Variants in MYO9A observed in about 807,000 individuals in gnomAD.
MYO9A encodes the protein unconventional myosin-IXa.
MYO9A carries 103 observed loss-of-function variants against 293.3 expected under a neutral mutation model. The ratio of observed to expected loss-of-function variants is 0.35; its 90% CI spans 0.30 to 0.41. The LOEUF (loss-of-function observed/expected upper bound fraction) is 0.41, where lower values mean the gene tolerates loss of function less well. Among genes scored for constraint, MYO9A ranks in the 10% least tolerant of loss-of-function variants. MYO9A has a pLI of 1.00. For missense variants in MYO9A, 2,685 were observed against 3,033.0 expected (o/e 0.89, Z 2.69); for synonymous variants, 1,001 against 1,035.7 (o/e 0.97, Z 0.64).
intron 11 of MYO9A, among the ~76,000 whole-genome samples, chr15:71,983,267 T>C (rs1218941338): frequency 6.6e-6 from 1 of 151,870 alleles, no homozygotes; most frequent in African/African-American, 2.4e-5. Flanking sequence ...TTTTCAAGTT[T>C]TATATTATTT....
intron 15 of MYO9A, among the ~76,000 whole-genome samples, chr15:71,946,347 G>C (rs1271005783): frequency 1.3e-5 from 2 of 152,132 alleles, no homozygotes; most frequent in African/African-American, 4.8e-5. Context: ...TTTTAGTTAA[G>C]AATTCAATAT....
chr15:71,952,029 G>C, intron 14 of MYO9A, 133 bp from the exon 15 acceptor site: 1 of 901,568 alleles, frequency 1.1e-6, no homozygotes, highest in South Asian at 3.2e-5. Context: ...TCAAATAATA[G>C]AGGTTATATG....
chr15:72,104,497 C>A (rs1033314825), intron 1 of MYO9A, among the ~76,000 whole-genome samples: 2 of 152,066 alleles, frequency 1.3e-5, no homozygotes, highest in Admixed American at 6.6e-5. Flanking sequence ...TTAAAAGCTA[C>A]CATAATTACA....
At chr15:71,852,515 C>T (rs984478850) in intron 35 of MYO9A, among the ~76,000 whole-genome samples, 5 of 151,950 alleles carry the variant, frequency 3.3e-5, no homozygotes, top group African/African-American at 1.2e-4. Flanking sequence ...GGGCATGCGC[C>T]GCCACGCTTA....
At chr15:71,847,059 G>A (rs2055419092) in intron 39 of MYO9A, among the ~76,000 whole-genome samples, 1 of 152,176 alleles carries the variant, frequency 6.6e-6, no homozygotes, top group Non-Finnish European at 1.5e-5. Context: ...GGAGATTGCT[G>A]GGAACACAGC....
At chr15:71,874,646 T>C (rs2056625292) in intron 32 of MYO9A, among the ~76,000 whole-genome samples, 1 of 152,214 alleles carries the variant, frequency 6.6e-6, no homozygotes, top group Admixed American at 6.5e-5. Context: ...TATAAGAAGG[T>C]AGACCAGTAT....
intron 1 of MYO9A, 124 bp downstream of exon 1, chr15:72,117,556 C>A: frequency 2.7e-6 from 1 of 368,268 alleles, no homozygotes; most frequent in Non-Finnish European, 4.8e-6. Flanking sequence ...AGGCTCGGCG[C>A]AGACCCGCTC....
At chr15:71,889,367 CA>C (rs2057111488) in intron 26 of MYO9A, 1 of 149,062 alleles carries the variant, frequency 6.7e-6, no homozygotes, top group African/African-American at 2.5e-5. Context: ...GGGCACTGGG[CA>C]AAGTATAGAG....
At chr15:71,840,303 T>C (rs1477172511) in intron 39 of MYO9A, among the ~76,000 whole-genome samples, 1 of 152,212 alleles carries the variant, frequency 6.6e-6, no homozygotes, top group East Asian at 1.9e-4. Context: ...TCCTTGCACC[T>C]GAGTTGTGAC....
rs1412915550 is a variant in MYO9A, at chr15:71,903,917, T to C, written c.2877+12A>G. 1.2e-6 allele frequency: 2 copies of C among 1,608,368 alleles called. No homozygotes were observed. Among genetic ancestry groups the C allele is most frequent in the African/African-American group, 1.3e-5 (1 of 74,950 alleles). On this transcript the variant is annotated intron_variant, in intron 21 of 41. Coordinates refer to ENST00000356056, the MANE Select transcript of MYO9A (RefSeq NM_006901.4). ...GTGTCTAAATATGTAAATATCACTA[T>C]AAAAACAGAACCTGGAAAGAATATT...
At chr15:71,831,517 G>A (rs1354582866) in intron 39 of MYO9A, among the ~76,000 whole-genome samples, 1 of 152,156 alleles carries the variant, frequency 6.6e-6, no homozygotes, top group African/African-American at 2.4e-5. Flanking sequence ...GATCCCCAAG[G>A]TTTGTTTCTT....
At chr15:72,020,050 C>T (rs901786745) in intron 5 of MYO9A, among the ~76,000 whole-genome samples, 1 of 152,162 alleles carries the variant, frequency 6.6e-6, no homozygotes, top group African/African-American at 2.4e-5. Flanking sequence ...CTGCACTCAG[C>T]CAAAGATGTA....
At chr15:72,038,970 T>C (rs2078145489) in intron 2 of MYO9A, among the ~76,000 whole-genome samples, 2 of 152,034 alleles carry the variant, frequency 1.3e-5, no homozygotes, top group South Asian at 4.1e-4. Context: ...ACCTATAAGA[T>C]AGATATAAGT....
chr15:71,940,195 G>A (rs573966844), intron 15 of MYO9A, among the ~76,000 whole-genome samples: 1 of 152,234 alleles, frequency 6.6e-6, no homozygotes, highest in Non-Finnish European at 1.5e-5. Context: ...TCTTTGTGCT[G>A]TTTAAATCAT....
At chr15:71,860,134 G>A (rs956082094) in intron 33 of MYO9A, among the ~76,000 whole-genome samples, 1 of 152,130 alleles carries the variant, frequency 6.6e-6, no homozygotes, top group African/African-American at 2.4e-5. Flanking sequence ...TCACAAATTA[G>A]TGTTCATGTT....
rs777024981 is a variant in MYO9A, at chr15:71,893,731, T to A, written c.5090A>T (p.Glu1697Val). Residue 1697 changes from glutamate (E) to valine (V), a missense_variant, in exon 26 of 42, where the codon GAA becomes GTA. Glu to Val is a moderately radical substitution (Grantham distance 121, BLOSUM62 -2). Transcript: ENST00000356056. ...CACAGGTTTCCATGCTGGTTCATCTTCTTTATGGAGTTGAGGATTTTTACT... is the reference window on the plus strand; with the variant it reads ...CACAGGTTTCCATGCTGGTTCATCTACTTTATGGAGTTGAGGATTTTTACT... The part of the protein sequence containing the change: ...LNSKNPQLHK[E>V]DEPAWKPVKL... 6.2e-7 allele frequency: 1 copy of A among 1,614,054 alleles called. No homozygotes were observed.
chr15:71,841,798 G>GTT (rs1275519159), intron 39 of MYO9A, among the ~76,000 whole-genome samples: 1 of 132,796 alleles, frequency 7.5e-6, no homozygotes, highest in African/African-American at 3.0e-5. Context: ...ACCAGGGGTA[G>GTT]TTTTTTTTTT....
chr15:71,889,984 A>G (rs1464250831), intron 26 of MYO9A: 1 of 152,350 alleles, frequency 6.6e-6, no homozygotes, highest in East Asian at 1.9e-4. Flanking sequence ...ACTTTGTTCA[A>G]TAACAACCAG....
At chr15:72,086,755 TTTG>T (rs1322783410) in intron 1 of MYO9A, among the ~76,000 whole-genome samples, 2 of 14,916 alleles carry the variant, frequency 1.3e-4, no homozygotes, top group African/African-American at 1.7e-4. Flanking sequence ...TTTTGTTTTT[TTTG>T]TTGTTTTTGT....
Sources: gnomAD v4.1 joint callset for allele counts (sites outside exome capture counted in the v4.1 genomes callset) on GRCh38, gnomAD v4.1.1 for gene constraint, MANE v1.5 for transcripts, NCBI Gene and HGNC (gene_info 2026-07-23, HGNC 2026-07-21) for gene names.